SYF2: variants seen among roughly 807,000 people sequenced by gnomAD.
The protein encoded by SYF2 is SYF2 pre-mRNA splicing factor.
SYF2 carries 21 observed loss-of-function variants against 32.7 expected under a neutral mutation model. The ratio of observed to expected loss-of-function variants is 0.64; its 90% CI spans 0.45 to 0.92. SYF2 has a LOEUF of 0.92. SYF2 is among the 40% of genes least tolerant of loss of function. The pLI is 0.00. For synonymous variants in SYF2, 114 were observed against 103.9 expected (o/e 1.10, Z -0.59); for missense variants, 278 against 296.5 (o/e 0.94, Z 0.46).
chr1:25,228,998 C>A lies in SYF2; in HGVS notation c.258G>T (p.Lys86Asn), dbSNP rs753291960. 2.5e-6 allele frequency: 4 copies of A among 1,611,266 alleles called. No individual in the cohort carries two copies. In the African/African-American group the frequency reaches 5.4e-5, roughly 22 times the overall value. Reference sequence around the variant, plus strand: ...TTATGAAGATAGAATAGTTCCTAACCTTTTTCTTTTCCTCTTCCTTTAGTT... The same window carrying A: ...TTATGAAGATAGAATAGTTCCTAACATTTTTCTTTTCCTCTTCCTTTAGTT... Reference protein sequence around the residue: ...EWELKEEEKKKECAARGEDYE... With the variant: ...EWELKEEEKKNECAARGEDYE... Residue 86 changes from lysine (K) to asparagine (N), a missense_variant and splice_region_variant, in exon 3 of 7, where the codon AAG becomes AAT. By Grantham distance (94) the Lys-to-Asn change is moderately conservative (BLOSUM62 0). Transcript: ENST00000236273.
Position 25,232,222 on chromosome 1 carries a change from G to A in SYF2, c.25-11C>T, listed in dbSNP as rs754366634. 41 of 1,611,856 alleles carry A rather than the reference G, an allele frequency of 2.5e-5. No homozygotes were observed. In the South Asian group the frequency reaches 4.3e-4, roughly 17 times the overall value. Reference sequence around the variant, plus strand: ...GCTGTCCACCAGCACCTGCGACAAGGAGAACTGGCTTCAGGCAGAGCCGGC... The same window carrying A: ...GCTGTCCACCAGCACCTGCGACAAGAAGAACTGGCTTCAGGCAGAGCCGGC... On this transcript the variant is annotated splice_polypyrimidine_tract_variant and intron_variant, in intron 1 of 6. Coordinates refer to ENST00000236273, the MANE Select transcript of SYF2 (RefSeq NM_015484.5).
At chr1:25,225,585 C>T (rs1159601129) in intron 5 of SYF2, among the ~76,000 whole-genome samples, 46 of 150,084 alleles carry the variant, frequency 3.1e-4, no homozygotes, top group Non-Finnish European at 1.9e-4. Flanking sequence ...GGAGGCCAGG[C>T]GCAGTGGCTC....
intron 4 of SYF2, among the ~76,000 whole-genome samples, chr1:25,227,811 G>A (rs1428120362): frequency 6.6e-6 from 1 of 152,102 alleles, no homozygotes; most frequent in Non-Finnish European, 1.5e-5. Context: ...TTTCATACTA[G>A]GGATACTCAA....
At chr1:25,227,570 C>T in intron 4 of SYF2, 38 bp from the exon 5 acceptor site, 2 of 1,576,410 alleles carry the variant, frequency 1.3e-6, no homozygotes, top group Non-Finnish European at 1.7e-6. Context: ...TAATATATTT[C>T]CTTGTTTGGA....
intron 2 of SYF2, chr1:25,231,193 GAAGA>G (rs1222690909): frequency 2.6e-5 from 4 of 152,218 alleles, no homozygotes; most frequent in Admixed American, 6.5e-5. Context: ...GTGTTAGTCA[GAAGA>G]AAGAAATATG....
Position 25,232,480 on chromosome 1 carries a change from C to T in SYF2, c.-13G>A. 2 of 1,614,264 alleles carry T rather than the reference C, an allele frequency of 1.2e-6. No individual in the cohort carries two copies. The highest frequency in any genetic ancestry group is 1.7e-6 in the Non-Finnish European group (2 of 1,180,054). Reference sequence around the variant, plus strand: ...CTATAGCCGCCATCACAACCTTTCTCTCTTCCCACTTCCGGCAACAAGATA... The same window carrying T: ...CTATAGCCGCCATCACAACCTTTCTTTCTTCCCACTTCCGGCAACAAGATA... On this transcript the variant is annotated 5_prime_UTR_variant, in exon 1 of 7. Coordinates refer to ENST00000236273, the MANE Select transcript of SYF2 (RefSeq NM_015484.5).
chr1:25,224,878 C>T, intron 6 of SYF2, 124 bp downstream of exon 6: 1 of 723,454 alleles, frequency 1.4e-6, no homozygotes, highest in Non-Finnish European at 2.3e-6. Context: ...CAAAAATTAG[C>T]AAGTATAACT....
At chr1:25,224,243 TA>T in intron 6 of SYF2, among the ~76,000 whole-genome samples, 1 of 151,988 alleles carries the variant, frequency 6.6e-6, no homozygotes, top group East Asian at 1.9e-4. Context: ...ACTGAGCACA[TA>T]ATATGTGCCA....
At chr1:25,228,278 G>T in intron 3 of SYF2, 43 bp from the exon 4 acceptor site, 3 of 1,432,284 alleles carry the variant, frequency 2.1e-6, no homozygotes, top group Non-Finnish European at 1.9e-6. Flanking sequence ...TATGATACAT[G>T]CAATAATTTG....
intron 6 of SYF2, 61 bp from the exon 7 acceptor site, chr1:25,223,492 C>T (rs182845535): frequency 1.3e-6 from 2 of 1,504,446 alleles, no homozygotes; most frequent in Admixed American, 1.9e-5. Flanking sequence ...CTTAATAAAA[C>T]ACAACCAAAC....
Position 25,228,211 on chromosome 1 carries a change from AGTC to A in SYF2, c.280_282del (p.Asp94del), listed in dbSNP as rs1557470648. The A allele has an allele frequency of 6.2e-7, 1 of 1,613,312 alleles. No homozygotes were observed. The highest frequency in any genetic ancestry group is 1.6e-4 in the Middle Eastern group (1 of 6,062). ...ATCTCCAGCAACTTCACTTTCTCAT[AGTC>A]TTCTCCTCTTGCCGCACATTCCTAA... On this transcript the variant is annotated inframe_deletion, in exon 4 of 7. Transcript: ENST00000236273.
At chr1:25,230,926 A>G (rs1437863488) in intron 2 of SYF2, 1 of 146,388 alleles carries the variant, frequency 6.8e-6, no homozygotes, top group African/African-American at 2.6e-5. Flanking sequence ...GGCTCATGCC[A>G]TTCTCCTGCC....
chr1:25,231,330 G>GC (rs989449883), intron 2 of SYF2: 50 of 152,350 alleles, frequency 3.3e-4, no homozygotes, highest in African/African-American at 1.1e-3. Flanking sequence ...AACAGGGGCT[G>GC]CTTTTCTCTT....
intron 2 of SYF2, 82 bp from the exon 3 acceptor site, chr1:25,229,205 G>A: frequency 6.6e-7 from 1 of 1,509,890 alleles, no homozygotes; most frequent in South Asian, 1.3e-5. Context: ...AGGAGGGTCA[G>A]GCAGGACATA....
intron 5 of SYF2, among the ~76,000 whole-genome samples, chr1:25,226,170 T>A (rs966058432): frequency 2.6e-5 from 4 of 151,162 alleles, no homozygotes; most frequent in African/African-American, 4.9e-5. Context: ...AAAATAAAAA[T>A]AAAAAATAAA....
At position 25,227,020 on chromosome 1, in the gene SYF2, C is replaced by A. The variant is rs1433188168; in HGVS notation, c.467+422G>T. ...AGGAAGGGCCGGGCGCAGTAGCTCA[C>A]GCCTGTAATCCCAGCACTTTGGGAG... On this transcript the variant is annotated intron_variant, in intron 5 of 6. Coordinates refer to ENST00000236273, the MANE Select transcript of SYF2 (RefSeq NM_015484.5). 3.9e-5 allele frequency among the ~76,000 whole-genome samples: 6 copies of A among 151,970 alleles called. 1 individual carries two copies. The South Asian group carries it at 1.2e-3, about 32-fold the overall frequency.
At chr1:25,230,420 G>A (rs747038478) in intron 2 of SYF2, 3 of 152,054 alleles carry the variant, frequency 2.0e-5, no homozygotes, top group Non-Finnish European at 2.9e-5. Flanking sequence ...TAGGTCATAA[G>A]CTGGTGGCAG....
At position 25,224,284 on chromosome 1, in the gene SYF2, C is replaced by A. The variant is rs539713025; in HGVS notation, c.566+718G>T. Reference sequence around the variant, plus strand: ...CTTTTTTTTTTTCCTGAGACAGGGTCTCGCTCTGTCGCCCAAGCTGGAGTG... The same window carrying A: ...CTTTTTTTTTTTCCTGAGACAGGGTATCGCTCTGTCGCCCAAGCTGGAGTG... On this transcript the variant is annotated intron_variant, in intron 6 of 6. Coordinates refer to ENST00000236273, the MANE Select transcript of SYF2 (RefSeq NM_015484.5). 1.4e-4 allele frequency among the ~76,000 whole-genome samples: 21 copies of A among 151,748 alleles called. No individual in the cohort carries two copies. In the South Asian group the frequency reaches 4.2e-3, roughly 30 times the overall value.
At chr1:25,223,638 T>G (rs1464954243) in intron 6 of SYF2, among the ~76,000 whole-genome samples, 2 of 152,178 alleles carry the variant, frequency 1.3e-5, no homozygotes, top group East Asian at 3.8e-4. Context: ...TAAATACAAA[T>G]TCATCTTCAG....
Sources: allele counts gnomAD v4.1 joint callset (sites outside exome capture counted in the v4.1 genomes callset), GRCh38; gene constraint gnomAD v4.1.1; transcripts MANE v1.5; gene names NCBI Gene and HGNC (gene_info 2026-07-23, HGNC 2026-07-21).